Variants in SGCZ observed in about 807,000 individuals in gnomAD.
The protein encoded by SGCZ is zeta-sarcoglycan.
A neutral mutation model predicts 41.3 loss-of-function variants in SGCZ; 40 were observed. The ratio of observed to expected loss-of-function variants is 0.97; its 90% CI spans 0.75 to 1.26. The LOEUF is 1.26. Ranked by LOEUF, SGCZ falls within the 50% of genes most tolerant of loss-of-function variation. SGCZ has a pLI of 0.00. For missense variants in SGCZ, 552 were observed against 369.8 expected (o/e 1.49, Z -4.04); for synonymous variants, 206 against 137.5 (o/e 1.50, Z -3.49).
intron 1 of SGCZ, among the ~76,000 whole-genome samples, chr8:14,577,619 C>T (rs1388830525): frequency 6.6e-6 from 1 of 152,040 alleles, no homozygotes; most frequent in Non-Finnish European, 1.5e-5. Flanking sequence ...AAGTCCTGAC[C>T]TCAGGTGATC....
chr8:14,970,087 A>G (rs1801242040), intron 1 of SGCZ, among the ~76,000 whole-genome samples: 1 of 152,106 alleles, frequency 6.6e-6, no homozygotes, highest in Non-Finnish European at 1.5e-5. Context: ...CATTCTCATA[A>G]GTGTGTAGTG....
chr8:14,256,413 C>G (rs981755287), intron 3 of SGCZ, among the ~76,000 whole-genome samples: 1 of 152,142 alleles, frequency 6.6e-6, no homozygotes, highest in African/African-American at 2.4e-5. Context: ...CTTGTTAGCA[C>G]TCTGATCTAT....
intron 5 of SGCZ, among the ~76,000 whole-genome samples, chr8:14,153,680 C>G (rs1348426619): frequency 2.0e-5 from 3 of 152,120 alleles, no homozygotes; most frequent in South Asian, 2.1e-4. Flanking sequence ...CCAACTGATA[C>G]TCAAGGGAAA....
At chr8:14,182,139 T>C (rs1804748516) in intron 4 of SGCZ, among the ~76,000 whole-genome samples, 1 of 152,166 alleles carries the variant, frequency 6.6e-6, no homozygotes, top group Non-Finnish European at 1.5e-5. Context: ...CCTCTCATAC[T>C]CTACTCAGGG....
intron 1 of SGCZ, among the ~76,000 whole-genome samples, chr8:15,032,390 T>C (rs747322790): frequency 6.6e-6 from 1 of 152,182 alleles, no homozygotes; most frequent in Admixed American, 6.5e-5. Flanking sequence ...CATGGTGTTA[T>C]ATGAGGTATC....
At chr8:14,903,767 G>A (rs979171316) in intron 1 of SGCZ, among the ~76,000 whole-genome samples, 1 of 151,998 alleles carries the variant, frequency 6.6e-6, no homozygotes, top group Non-Finnish European at 1.5e-5. Flanking sequence ...GTCAGAGTAT[G>A]AGTGATTATC....
intron 3 of SGCZ, among the ~76,000 whole-genome samples, chr8:14,254,911 G>A (rs1799408014): frequency 1.3e-5 from 2 of 152,140 alleles, no homozygotes; most frequent in East Asian, 1.9e-4. Context: ...CTATGAATTT[G>A]CACAAAGTTC....
intron 2 of SGCZ, among the ~76,000 whole-genome samples, chr8:14,417,232 C>T (rs139740291): frequency 2.3e-3 from 352 of 151,966 alleles, no homozygotes; most frequent in African/African-American, 6.4e-3. Flanking sequence ...CAACTCAGTT[C>T]GTAGTGCAAT....
intron 1 of SGCZ, among the ~76,000 whole-genome samples, chr8:14,780,774 A>G (rs553447448): frequency 6.2e-4 from 95 of 152,074 alleles, no homozygotes; most frequent in African/African-American, 2.2e-3. Context: ...ATTTTTATCC[A>G]CTCTGTTTTC....
chr8:14,665,254 A>C lies in SGCZ; in HGVS notation c.40-110328T>G, dbSNP rs905537916. Among the ~76,000 whole-genome samples, 26 of 152,016 alleles carry C rather than the reference A, an allele frequency of 1.7e-4. 1 individual carries two copies. The highest frequency in any genetic ancestry group is 1.5e-3 in the Admixed American group (23 of 15,256). Reference sequence around the variant, plus strand: ...TTCAATTCCCACCTATGAGTGAGAAAATGTGGTGTATGGTTTTTTGTCCTT... The same window carrying C: ...TTCAATTCCCACCTATGAGTGAGAACATGTGGTGTATGGTTTTTTGTCCTT... On this transcript the variant is annotated intron_variant, in intron 1 of 7. Coordinates refer to ENST00000382080, the MANE Select transcript of SGCZ (RefSeq NM_139167.4).
At chr8:14,138,602 A>G (rs1455306184) in intron 5 of SGCZ, among the ~76,000 whole-genome samples, 2 of 152,230 alleles carry the variant, frequency 1.3e-5, no homozygotes, top group Non-Finnish European at 2.9e-5. Context: ...GAAGGGCATT[A>G]CATAATGGTA....
chr8:14,118,427 G>C (rs1802592310), intron 5 of SGCZ, among the ~76,000 whole-genome samples: 1 of 151,160 alleles, frequency 6.6e-6, no homozygotes, highest in Non-Finnish European at 1.5e-5. Flanking sequence ...TTTTTTTCTT[G>C]TAAATTTAAG....
chr8:14,800,512 C>T (rs762192503), intron 1 of SGCZ, among the ~76,000 whole-genome samples: 7 of 152,082 alleles, frequency 4.6e-5, no homozygotes, highest in African/African-American at 7.2e-5. Flanking sequence ...AATTGTAATT[C>T]ACAGGTTTTG....
At chr8:14,848,163 A>T (rs1338550767) in intron 1 of SGCZ, among the ~76,000 whole-genome samples, 1 of 152,200 alleles carries the variant, frequency 6.6e-6, no homozygotes, top group African/African-American at 2.4e-5. Context: ...TATGGTAAAT[A>T]ATGTTAGACA....
intron 1 of SGCZ, among the ~76,000 whole-genome samples, chr8:15,145,134 G>A (rs1048350814): frequency 1.1e-4 from 17 of 152,084 alleles, no homozygotes; most frequent in South Asian, 2.1e-4. Context: ...CTGCCGTATC[G>A]CCTCAGTCCT....
chr8:14,331,613 G>A (rs190016889), intron 2 of SGCZ, among the ~76,000 whole-genome samples: 6 of 152,058 alleles, frequency 3.9e-5, no homozygotes, highest in Admixed American at 1.3e-4. Context: ...CAACTTGTAC[G>A]GAAACATTTT....
chr8:14,468,317 A>T (rs1242307982), intron 2 of SGCZ, among the ~76,000 whole-genome samples: 1 of 152,100 alleles, frequency 6.6e-6, no homozygotes, highest in African/African-American at 2.4e-5. Flanking sequence ...TATGAAAATG[A>T]CTACCCTTAT....
rs182430438 is a variant in SGCZ, at chr8:15,078,391, C to A, written c.39+159194G>T. Reference sequence around the variant, plus strand: ...ATACCATACTCAGTAATAACAAATTCTTTGAATGTACTCTCTATCTCAGGT... The same window carrying A: ...ATACCATACTCAGTAATAACAAATTATTTGAATGTACTCTCTATCTCAGGT... On this transcript the variant is annotated intron_variant, in intron 1 of 7. Transcript: ENST00000382080. 4.0e-3 allele frequency among the ~76,000 whole-genome samples: 601 copies of A among 151,838 alleles called. 4 individuals carry two copies. The highest frequency in any genetic ancestry group is 0.014 in the African/African-American group (575 of 41,418).
chr8:14,961,018 G>T (rs1800948336), intron 1 of SGCZ, among the ~76,000 whole-genome samples: 1 of 151,792 alleles, frequency 6.6e-6, no homozygotes, highest in Admixed American at 6.6e-5. Context: ...AGAAGAGAGT[G>T]CATTATTGTT....
Sources: allele counts gnomAD v4.1 joint callset (sites outside exome capture counted in the v4.1 genomes callset), GRCh38; gene constraint gnomAD v4.1.1; transcripts MANE v1.5; gene names NCBI Gene and HGNC (gene_info 2026-07-23, HGNC 2026-07-21).